The following TMEM17 variants were observed in gnomAD, a reference collection of about 807,000 sequenced individuals.
TMEM17 encodes the protein transmembrane protein 17.
In TMEM17, 15 loss-of-function variants were observed where a neutral mutation model predicts 19.1. The ratio of observed to expected loss-of-function variants is 0.78; its 90% CI spans 0.52 to 1.21. TMEM17 has a LOEUF of 1.21. TMEM17 is among the 50% of genes most tolerant of loss of function. The pLI is 0.00. For synonymous variants in TMEM17, 103 were observed against 86.9 expected, an observed-to-expected ratio of 1.19 and a Z score of -1.03; for missense variants, 245 against 242.3, an observed-to-expected ratio of 1.01 and a Z score of -0.07.
chr2:62,499,993 C>T (rs1296692975), downstream of TMEM17, among the ~76,000 whole-genome samples: 5 of 152,294 alleles, frequency 3.3e-5, no homozygotes, highest in East Asian at 5.8e-4. Flanking sequence ...TATTAAGAGG[C>T]GCTCTGGTTT....
the TMEM17 span, among the ~76,000 whole-genome samples, chr2:62,482,357 T>C: frequency 6.6e-6 from 1 of 152,248 alleles, no homozygotes; most frequent in Non-Finnish European, 1.5e-5. Context: ...ATATAAGTTA[T>C]TTAATCTCAT....
At position 62,501,074 on chromosome 2, in the gene TMEM17, C is replaced by T. The variant is rs955676994; in HGVS notation, c.*135G>A. On this transcript the variant is annotated 3_prime_UTR_variant, in exon 4 of 4. Coordinates refer to ENST00000335390, the MANE Select transcript of TMEM17 (RefSeq NM_198276.3). ...CTGTACAAAGTTTCATCATTGCCCC[C>T]AACCTTGGAATTTCAGAGTGAGAGC... 1.9e-6 allele frequency: 2 copies of T among 1,025,720 alleles called. No individual in the cohort carries two copies. Among genetic ancestry groups the T allele is most frequent in the African/African-American group, 3.2e-5 (2 of 62,396 alleles). 63.5% of individuals were successfully genotyped at this position (1,025,720 alleles called of 1,614,324 possible). A position where few individuals can be genotyped will look rare whatever the true frequency, so the allele number is the denominator to read the frequency against.
At chr2:62,480,108 C>G in the TMEM17 span, among the ~76,000 whole-genome samples, 1 of 151,968 alleles carries the variant, frequency 6.6e-6, no homozygotes, top group Non-Finnish European at 1.5e-5. Context: ...CCACTCTAAC[C>G]GGAGTGAGAT....
chr2:62,482,224 G>A, the TMEM17 span, among the ~76,000 whole-genome samples: 2 of 152,216 alleles, frequency 1.3e-5, no homozygotes, highest in African/African-American at 4.8e-5. Context: ...TCTGTGAAAT[G>A]TAGTTCAGCC....
intron 3 of TMEM17, chr2:62,502,194 A>G: frequency 3.5e-6 from 1 of 286,488 alleles, no homozygotes; most frequent in Admixed American, 4.6e-5. Context: ...TATACTTTAC[A>G]TAAATCATTT....
At chr2:62,457,300 G>A in the TMEM17 span, among the ~76,000 whole-genome samples, 5 of 152,204 alleles carry the variant, frequency 3.3e-5, no homozygotes, top group Non-Finnish European at 5.9e-5. This position sits in a 1 kb window ranked among gnomAD's most constrained non-coding sequence, Gnocchi z 4.2. Context: ...CTCTAGAGAA[G>A]GCAGAGACTG....
chr2:62,490,426 G>GT, the TMEM17 span, among the ~76,000 whole-genome samples: 1 of 152,008 alleles, frequency 6.6e-6, no homozygotes, highest in African/African-American at 2.4e-5. Context: ...ACCATGACTG[G>GT]TTAATATTTT....
At chr2:62,466,682 A>G in the TMEM17 span, among the ~76,000 whole-genome samples, 1 of 152,200 alleles carries the variant, frequency 6.6e-6, no homozygotes, top group Non-Finnish European at 1.5e-5. Flanking sequence ...TCCAGGCAGA[A>G]TAGACCAACT....
intron 3 of TMEM17, chr2:62,501,752 G>C (rs534827978): frequency 8.6e-5 from 31 of 361,330 alleles, no homozygotes; most frequent in Middle Eastern, 1.5e-3. Context: ...CAAGAAATAA[G>C]GGAGTGATTA....
chr2:62,504,403 A>C (rs976488925), intron 1 of TMEM17, among the ~76,000 whole-genome samples: 1 of 152,218 alleles, frequency 6.6e-6, no homozygotes, highest in Non-Finnish European at 1.5e-5. Flanking sequence ...CACAAAGAAG[A>C]AAATTTGGGA....
chr2:62,498,694 C>A (rs1446850017), downstream of TMEM17, among the ~76,000 whole-genome samples: 5 of 143,214 alleles, frequency 3.5e-5, no homozygotes, highest in East Asian at 2.0e-4. Flanking sequence ...CCAGCCTGGG[C>A]GACAGAGCGA....
the TMEM17 span, among the ~76,000 whole-genome samples, chr2:62,474,193 G>A: frequency 6.6e-6 from 1 of 152,310 alleles, no homozygotes; most frequent in South Asian, 2.1e-4. Flanking sequence ...AAAAAGGAGA[G>A]AGAATCCTGA....
the TMEM17 span, among the ~76,000 whole-genome samples, chr2:62,470,935 C>G: frequency 1.2e-4 from 18 of 152,278 alleles, no homozygotes; most frequent in African/African-American, 4.3e-4. Context: ...GCAAGCAAAG[C>G]CTGTTTGCAA....
chr2:62,479,621 C>T, the TMEM17 span, among the ~76,000 whole-genome samples: 4 of 152,140 alleles, frequency 2.6e-5, no homozygotes, highest in East Asian at 1.9e-4. Flanking sequence ...CACAGTGGCT[C>T]ATGCCTGTAA....
At chr2:62,470,444 G>A in the TMEM17 span, among the ~76,000 whole-genome samples, 1 of 152,222 alleles carries the variant, frequency 6.6e-6, no homozygotes, top group Non-Finnish European at 1.5e-5. Flanking sequence ...CCCTCAGAGG[G>A]ATAAACATTC....
At chr2:62,469,048 A>G in the TMEM17 span, among the ~76,000 whole-genome samples, 1 of 150,148 alleles carries the variant, frequency 6.7e-6, no homozygotes, top group South Asian at 2.1e-4. Context: ...GCCAAGCCAA[A>G]CAATACCTTT....
At chr2:62,458,579 C>T in the TMEM17 span, among the ~76,000 whole-genome samples, 6 of 152,222 alleles carry the variant, frequency 3.9e-5, no homozygotes, top group African/African-American at 7.2e-5. Context: ...ATTGTGGTAA[C>T]GCATGGGGTG....
chr2:62,471,108 G>A, the TMEM17 span, among the ~76,000 whole-genome samples: 3 of 152,196 alleles, frequency 2.0e-5, no homozygotes, highest in African/African-American at 4.8e-5. Flanking sequence ...GTGACCTGAG[G>A]AGCTGAGAGA....
At chr2:62,486,110 T>C in the TMEM17 span, among the ~76,000 whole-genome samples, 7 of 152,214 alleles carry the variant, frequency 4.6e-5, no homozygotes, top group African/African-American at 1.7e-4. Context: ...TCCAGGAATG[T>C]GGGTCAGAGT....
Sources: gnomAD v4.1 joint callset for allele counts (sites outside exome capture counted in the v4.1 genomes callset) on GRCh38, gnomAD v4.1.1 for gene constraint, Gnocchi (gnomAD v3.1) non-coding constraint, MANE v1.5 for transcripts, NCBI Gene and HGNC (gene_info 2026-07-23, HGNC 2026-07-21) for gene names.